Variants in VRK1 observed in about 807,000 individuals in gnomAD.
The protein encoded by VRK1 is VRK serine/threonine kinase 1, also known as serine/threonine-protein kinase VRK1.
In VRK1, 33 loss-of-function variants were observed where a neutral mutation model predicts 57.1. The ratio of observed to expected loss-of-function variants is 0.58; its 90% CI spans 0.44 to 0.77. The LOEUF (loss-of-function observed/expected upper bound fraction) is 0.77, where lower values mean the gene tolerates loss of function less well. VRK1 is among the 30% of genes least tolerant of loss of function. VRK1 has a pLI of 0.00. For missense variants in VRK1, 413 were observed against 477.3 expected (o/e 0.87, Z 1.25); for synonymous variants, 137 against 147.8 (o/e 0.93, Z 0.53).
At position 96,856,126 on chromosome 14, in the gene VRK1, G is replaced by A. The variant is rs746234793; in HGVS notation, c.710-4G>A. ...TACCTAATGTTCTTCTCTTGCATTT[G>A]TAGCCCCATCAAGACGTGGTGATTT... On this transcript the variant is annotated splice_polypyrimidine_tract_variant and splice_region_variant and intron_variant, in intron 8 of 12. Transcript: ENST00000216639. 2 of 1,613,488 alleles carry A rather than the reference G, an allele frequency of 1.2e-6. No homozygotes were observed. Among genetic ancestry groups the A allele is most frequent in the Non-Finnish European group, 8.5e-7 (1 of 1,179,710 alleles).
At position 96,850,756 on chromosome 14, in the gene VRK1, T is replaced by C. The variant is rs527863215; in HGVS notation, c.375-2075T>C. On this transcript the variant is annotated intron_variant, in intron 5 of 12. Coordinates refer to ENST00000216639, the MANE Select transcript of VRK1 (RefSeq NM_003384.3). ...CTGAAATGTTGGCACCAGAAGTATT[T>C]TAGATTTGGGATTTCTTAAGGATTT... 1.6e-4 allele frequency among the ~76,000 whole-genome samples: 24 copies of C among 152,314 alleles called. 1 individual carries two copies. The South Asian group carries it at 5.0e-3, about 32-fold the overall frequency.
intron 12 of VRK1, chr14:96,877,476 C>T (rs1889088048): frequency 7.8e-7 from 1 of 1,288,772 alleles, no homozygotes; most frequent in Non-Finnish European, 1.0e-6. Context: ...TCCTCCTTTC[C>T]CCTGTCTTGT....
intron 1 of VRK1, among the ~76,000 whole-genome samples, chr14:96,826,041 CAGA>C (rs1392919166): frequency 1.3e-5 from 2 of 152,140 alleles, no homozygotes; most frequent in East Asian, 1.9e-4. Flanking sequence ...CTCTCTTCAG[CAGA>C]AGGTTAAAAA....
At chr14:96,822,992 C>G (rs79079183) in intron 1 of VRK1, among the ~76,000 whole-genome samples, 201 of 152,260 alleles carry the variant, frequency 1.3e-3, no homozygotes, top group South Asian at 2.1e-3. Flanking sequence ...GTCCCTCTGC[C>G]TATACTCTCT....
intron 1 of VRK1, among the ~76,000 whole-genome samples, chr14:96,830,651 T>C (rs1480340376): frequency 6.6e-6 from 1 of 152,192 alleles, no homozygotes; most frequent in African/African-American, 2.4e-5. Flanking sequence ...GGATTTTTTT[T>C]CTCTTTAAAA....
At chr14:96,881,092 T>C in intron 12 of VRK1, 85 bp from the exon 13 acceptor site, 1 of 1,102,178 alleles carries the variant, frequency 9.1e-7, no homozygotes, top group South Asian at 1.4e-5. Context: ...TGTTAATAAC[T>C]ATATTTAGGG....
chr14:96,862,806 T>C (rs188375069), intron 11 of VRK1, among the ~76,000 whole-genome samples: 2 of 149,758 alleles, frequency 1.3e-5, no homozygotes. Flanking sequence ...CTAGAAACTG[T>C]TAATTTTAAT....
chr14:96,864,115 G>A (rs1405981622), intron 11 of VRK1, among the ~76,000 whole-genome samples: 2 of 152,146 alleles, frequency 1.3e-5, no homozygotes, highest in African/African-American at 4.8e-5. Context: ...TTTGATCATA[G>A]TACTGTAGTT....
intron 3 of VRK1, among the ~76,000 whole-genome samples, chr14:96,845,332 T>G (rs1887638884): frequency 6.6e-6 from 1 of 152,238 alleles, no homozygotes; most frequent in African/African-American, 2.4e-5. Flanking sequence ...TCTTTTCCAC[T>G]CTTACATATT....
At chr14:96,825,907 A>T (rs920695052) in intron 1 of VRK1, among the ~76,000 whole-genome samples, 1 of 152,206 alleles carries the variant, frequency 6.6e-6, no homozygotes, top group Non-Finnish European at 1.5e-5. Flanking sequence ...GGGAAAATTT[A>T]TGAGTAGTCA....
intron 11 of VRK1, among the ~76,000 whole-genome samples, chr14:96,864,546 G>C (rs1186542055): frequency 6.6e-6 from 1 of 152,140 alleles, no homozygotes; most frequent in Non-Finnish European, 1.5e-5. Flanking sequence ...TCCGGCAGTT[G>C]TGATAATGCT....
intron 1 of VRK1, among the ~76,000 whole-genome samples, chr14:96,828,796 G>A (rs10143993): frequency 0.13 from 19,897 of 152,054 alleles, 1,641 homozygotes; most frequent in Non-Finnish European, 0.19. Context: ...TATTGAACAA[G>A]TATTTATTAG....
intron 1 of VRK1, among the ~76,000 whole-genome samples, chr14:96,805,192 T>C (rs1885823137): frequency 6.6e-6 from 1 of 152,212 alleles, no homozygotes; most frequent in South Asian, 2.1e-4. Context: ...ATACAGAGAA[T>C]GATGATGACC....
intron 1 of VRK1, among the ~76,000 whole-genome samples, chr14:96,801,362 G>A (rs773237802): frequency 6.6e-6 from 1 of 152,138 alleles, no homozygotes; most frequent in Non-Finnish European, 1.5e-5. Flanking sequence ...CATTGTGATT[G>A]CGTTTCACAA....
intron 5 of VRK1, among the ~76,000 whole-genome samples, chr14:96,851,421 G>A (rs2139792034): frequency 6.6e-6 from 1 of 152,236 alleles, no homozygotes; most frequent in East Asian, 1.9e-4. Flanking sequence ...GATTACTGGC[G>A]TGAACTACCA....
At chr14:96,856,676 T>C (rs1888168860) in intron 10 of VRK1, 90 bp downstream of exon 10, 1 of 1,159,698 alleles carries the variant, frequency 8.6e-7, no homozygotes, top group Non-Finnish European at 1.3e-6. Flanking sequence ...TAATGTAAGA[T>C]GTTAGGTGGT....
Position 96,847,416 on chromosome 14 carries a change from A to G in VRK1, c.374+72A>G, listed in dbSNP as rs998071964. 3 of 1,224,468 alleles carry G rather than the reference A, an allele frequency of 2.5e-6. No homozygotes were observed. The African/African-American group carries it at 4.5e-5, about 18-fold the overall frequency. 75.9% of individuals were successfully genotyped at this position (1,224,468 alleles called of 1,614,324 possible). A position where few individuals can be genotyped will look rare whatever the true frequency, so the allele number is the denominator to read the frequency against. Reference sequence around the variant, plus strand: ...CACTATTTAGTTGGTTTAGTCAGTAATTATTTACTGATCACTTACAATATT... The same window carrying G: ...CACTATTTAGTTGGTTTAGTCAGTAGTTATTTACTGATCACTTACAATATT... On this transcript the variant is annotated intron_variant, in intron 5 of 12. Transcript: ENST00000216639.
At chr14:96,880,684 A>G (rs1013486266) in intron 12 of VRK1, among the ~76,000 whole-genome samples, 9 of 152,224 alleles carry the variant, frequency 5.9e-5, no homozygotes, top group African/African-American at 2.2e-4. Context: ...AAGACTTTCC[A>G]TTTCAGTATA....
chr14:96,877,925 T>C (rs990413692), intron 12 of VRK1, among the ~76,000 whole-genome samples: 4 of 152,196 alleles, frequency 2.6e-5, no homozygotes, highest in Non-Finnish European at 5.9e-5. Flanking sequence ...AGAAAATATA[T>C]CAGTATTTTT....
Sources: gnomAD v4.1 joint callset for allele counts (sites outside exome capture counted in the v4.1 genomes callset) on GRCh38, gnomAD v4.1.1 for gene constraint, MANE v1.5 for transcripts, NCBI Gene and HGNC (gene_info 2026-07-23, HGNC 2026-07-21) for gene names.